The following PRPF40B variants were observed in gnomAD, a reference collection of about 807,000 sequenced individuals.
The protein encoded by PRPF40B is pre-mRNA processing factor 40B.
In PRPF40B, 56 loss-of-function variants were observed where a neutral mutation model predicts 124.5. The ratio of observed to expected loss-of-function variants is 0.45; its 90% confidence interval spans 0.36 to 0.56. The LOEUF (loss-of-function observed/expected upper bound fraction) is 0.56. Among genes scored for constraint, PRPF40B ranks in the 20% least tolerant of loss-of-function variants. PRPF40B has a pLI of 0.00. For missense variants in PRPF40B, 1,053 were observed against 1,169.5 expected (o/e 0.90, Z 1.45); for synonymous variants, 443 against 426.4 (o/e 1.04, Z -0.48).
chr12:49,632,760 G>C (rs1941348753), intron 5 of PRPF40B, 95 bp from the exon 6 acceptor site: 4 of 1,600,390 alleles, frequency 2.5e-6, no homozygotes, highest in Non-Finnish European at 3.4e-6. Context: ...GGGACCAGGG[G>C]ACTATTTACT....
At position 49,636,636 on chromosome 12, in the gene PRPF40B, C is replaced by T. The variant is rs139972881; in HGVS notation, c.1427-80C>T. On this transcript the variant is annotated intron_variant, in intron 15 of 25. Transcript: ENST00000548825. Reference sequence around the variant, plus strand: ...ATCCCTAGCACCTGTAGGACAGCATCGTTGAAACATTAGGGGTGCTGGGGT... The same window carrying T: ...ATCCCTAGCACCTGTAGGACAGCATTGTTGAAACATTAGGGGTGCTGGGGT... 39 of 1,587,208 alleles carry T rather than the reference C, an allele frequency of 2.5e-5. No homozygotes were observed. In the East Asian group the frequency reaches 6.7e-4, roughly 27 times the overall value.
At chr12:49,624,242 A>T (rs1345673711) in intron 1 of PRPF40B, 1 of 860,402 alleles carries the variant, frequency 1.2e-6, no homozygotes, top group East Asian at 1.2e-4. Flanking sequence ...ATGAAAATTA[A>T]ATCCCAGATC....
intron 15 of PRPF40B, 145 bp downstream of exon 15, chr12:49,636,138 C>T: frequency 1.0e-6 from 1 of 996,090 alleles, no homozygotes; most frequent in Non-Finnish European, 1.4e-6. Flanking sequence ...GTCCTTGTAC[C>T]TCTTTGGACT....
Position 49,633,100 on chromosome 12 carries a change from C to T in PRPF40B, c.435C>T (p.Pro145=), listed in dbSNP as rs1355301480. 6.3e-7 allele frequency: 1 copy of T among 1,599,228 alleles called. No homozygotes were observed. The part of the protein sequence containing the change: ...ADDKQSVWEK[P]SVLKSKAELL... ...ACAAGCAGTCCGTGTGGGAGAAGCCCAGCGTGCTCAAGTCCAAGGCAGAGG... is the reference window on the plus strand; with the variant it reads ...ACAAGCAGTCCGTGTGGGAGAAGCCTAGCGTGCTCAAGTCCAAGGCAGAGG... Residue 145 remains proline (P), a synonymous_variant, in exon 7 of 26, where the codon CCC becomes CCT. Transcript: ENST00000548825.
In PRPF40B at chr12:49,631,407, C is replaced by T; in HGVS notation, c.91C>T (p.Pro31Ser). The T allele has an allele frequency of 6.7e-7, 1 of 1,498,130 alleles. No homozygotes were observed. The highest frequency in any genetic ancestry group is 8.9e-7 in the Non-Finnish European group (1 of 1,126,692). The allele number at this position is 1,498,130 out of a possible 1,614,324, so 92.8% of individuals were successfully genotyped here. The change falls in exon 3 of 26, where the codon CCT becomes TCT. Residue 31 changes from proline to serine, a missense_variant. Physicochemically the swap from Pro to Ser is moderately conservative, Grantham distance 74. This residue lies in a region of PRPF40B where 158 missense variants were observed against 117.3 expected (regional missense o/e 1.35). Coordinates refer to ENST00000548825, the MANE Select transcript of PRPF40B (RefSeq NM_001031698.3). The surrounding 1 kb of genome is among the most constrained non-coding windows in gnomAD (Gnocchi z 4.3). ...PPMMPPPFMP[P>S]PGIPPPFPPM... ...TTCCTTTACTCATTTCCAGATGCCC[C>T]CTCCAGGGATCCCCCCACCCTTTCC...
At position 49,633,638 on chromosome 12, in the gene PRPF40B, T is replaced by C; in HGVS notation, c.582T>C (p.Val194=). The C allele has an allele frequency of 1.2e-6, 2 of 1,614,208 alleles. No homozygotes were observed. Among genetic ancestry groups the C allele is most frequent in the Non-Finnish European group, 8.5e-7 (1 of 1,180,034 alleles). ...CTGTGTTATCTTTTCCCATCACAGTTCTAGTCAAACAAGAGGCTGCAGGGT... is the reference window on the plus strand; with the variant it reads ...CTGTGTTATCTTTTCCCATCACAGTCCTAGTCAAACAAGAGGCTGCAGGGT... The part of the protein sequence containing the change: ...TRPKDLDDLE[V]LVKQEAAGKQ... The change falls in exon 9 of 26, where the codon GTT becomes GTC. Residue 194 remains valine, a splice_region_variant and synonymous_variant. Transcript: ENST00000548825.
chr12:49,636,147 C>T (rs561469552), intron 15 of PRPF40B, among the ~76,000 whole-genome samples, 154 bp downstream of exon 15: 1 of 152,158 alleles, frequency 6.6e-6, no homozygotes, highest in Non-Finnish European at 1.5e-5. Flanking sequence ...CCTCTTTGGA[C>T]TCCGGGGATA....
At chr12:49,630,936 C>T (rs1488388113) in intron 2 of PRPF40B, among the ~76,000 whole-genome samples, 3 of 152,282 alleles carry the variant, frequency 2.0e-5, no homozygotes, top group African/African-American at 7.2e-5. Context: ...TTTCACTACT[C>T]CTTACCTATG....
Position 49,632,995 on chromosome 12 carries a change from T to TGGGGGGGGGGGGCG in PRPF40B, c.349-18_349-17insGGGGGGGGGGGCGG. The TGGGGGGGGGGGGCG allele has an allele frequency of 7.3e-7, 1 of 1,365,460 alleles. No individual in the cohort carries two copies. The highest frequency in any genetic ancestry group is 1.0e-6 in the Non-Finnish European group (1 of 979,278). The allele number at this position is 1,365,460 out of a possible 1,614,324, so 84.6% of individuals were successfully genotyped here. A position where few individuals can be genotyped will look rare whatever the true frequency, so the allele number is the denominator to read the frequency against. On this transcript the variant is annotated intron_variant, in intron 6 of 25. Transcript: ENST00000548825. Reference sequence around the variant, plus strand: ...AAAAGGGGCCTTGACCACCATTCTGTGCCCCCCCCCCCACCCAGAGGGCCC... The same window carrying TGGGGGGGGGGGGCG: ...AAAAGGGGCCTTGACCACCATTCTGTGGGGGGGGGGGGCGGCCCCCCCCCCCACCCAGAGGGCCC...
rs766807655 is a variant in PRPF40B, at chr12:49,636,710, C to T, written c.1427-6C>T. The T allele has an allele frequency of 4.3e-6, 7 of 1,613,918 alleles. No individual in the cohort carries two copies. Among genetic ancestry groups the T allele is most frequent in the Non-Finnish European group, 5.9e-6 (7 of 1,179,926 alleles). ...AATGCCCGCGGAACCTCCTGCCTGT[C>T]TTTAGACATGGACAAGGAAGATGCA... On this transcript the variant is annotated splice_polypyrimidine_tract_variant and splice_region_variant and intron_variant, in intron 15 of 25. Coordinates refer to ENST00000548825, the MANE Select transcript of PRPF40B (RefSeq NM_001031698.3).
intron 23 of PRPF40B, 79 bp downstream of exon 23, chr12:49,643,476 C>CT: frequency 1.3e-6 from 2 of 1,494,854 alleles, no homozygotes. Context: ...GCCCCAGCTC[C>CT]TTTGAGGGTA....
At position 49,644,194 on chromosome 12, in the gene PRPF40B, C is replaced by A. The variant is rs1288365830; in HGVS notation, c.*2C>A. 1.2e-6 allele frequency: 2 copies of A among 1,613,890 alleles called. No individual in the cohort carries two copies. Among genetic ancestry groups the A allele is most frequent in the Non-Finnish European group, 1.7e-6 (2 of 1,180,006 alleles). On this transcript the variant is annotated 3_prime_UTR_variant, in exon 26 of 26. Transcript: ENST00000548825. ...CAGCAGCTGGATGATCACCAGTGAC[C>A]CAATGAGCTGTTCTCTGCCTCGGGT...
At position 49,643,727 on chromosome 12, in the gene PRPF40B, AAAC is replaced by A; in HGVS notation, c.2418_2420del (p.Lys806_Thr807delinsAsn). On this transcript the variant is annotated inframe_deletion, in exon 24 of 26. Transcript: ENST00000548825. ...CGGAAAGCCAAGAAACCAAAAAAGAAAACTAAGAAGAGAAGACACAAGTCGGTG... is the reference window on the plus strand; with the variant it reads ...CGGAAAGCCAAGAAACCAAAAAAGAATAAGAAGAGAAGACACAAGTCGGTG... The A allele has an allele frequency of 6.2e-7, 1 of 1,614,162 alleles. No individual in the cohort carries two copies. Among genetic ancestry groups the A allele is most frequent in the Non-Finnish European group, 8.5e-7 (1 of 1,180,022 alleles).
At chr12:49,632,089 C>A in intron 4 of PRPF40B, 164 bp downstream of exon 4, 1 of 707,320 alleles carries the variant, frequency 1.4e-6, no homozygotes, top group South Asian at 1.6e-5. Flanking sequence ...GCCATGTACT[C>A]AGCTCTTCTA....
At position 49,642,446 on chromosome 12, in the gene PRPF40B, CCA is replaced by C; in HGVS notation, c.2022+75_2022+76del. 1 of 1,574,438 alleles carries C rather than the reference CCA, an allele frequency of 6.4e-7. No homozygotes were observed. Among genetic ancestry groups the C allele is most frequent in the South Asian group, 1.1e-5 (1 of 89,820 alleles). On this transcript the variant is annotated intron_variant, in intron 20 of 25. Transcript: ENST00000548825. The surrounding 1 kb of genome is among the most constrained non-coding windows in gnomAD (Gnocchi z 5.8). ...GGTGCTTCACCACTGAGGGCCCACC[CCA>C]GTCACGTCACAGCCCTGGGCCAGCT...
intron 10 of PRPF40B, 79 bp downstream of exon 10, chr12:49,634,171 C>T: frequency 6.3e-7 from 1 of 1,576,996 alleles, no homozygotes; most frequent in Non-Finnish European, 8.6e-7. Context: ...TCTGCTGGGC[C>T]TCTCTCTCAG....
Position 49,631,596 on chromosome 12 carries a change from G to A in PRPF40B, c.228+52G>A. ...TCAGAAAACCCTGTCAGTTTAGCTG[G>A]GGGTGGAGATAAGAGCGGGCATGTA... On this transcript the variant is annotated intron_variant, in intron 3 of 25. Coordinates refer to ENST00000548825, the MANE Select transcript of PRPF40B (RefSeq NM_001031698.3). This position sits in a 1 kb window ranked among gnomAD's most constrained non-coding sequence, Gnocchi z 4.3. 8 of 1,523,360 alleles carry A rather than the reference G, an allele frequency of 5.3e-6. No homozygotes were observed. Among genetic ancestry groups the A allele is most frequent in the Non-Finnish European group, 6.2e-6 (7 of 1,136,128 alleles). The allele number at this position is 1,523,360 out of a possible 1,614,324, so 94.4% of individuals were successfully genotyped here. A position where few individuals can be genotyped will look rare whatever the true frequency, so the allele number is the denominator to read the frequency against.
In PRPF40B at chr12:49,642,024, T is replaced by C; in HGVS notation, c.1884T>C (p.Ser628=). 3 of 1,612,136 alleles carry C rather than the reference T, an allele frequency of 1.9e-6. No homozygotes were observed. The highest frequency in any genetic ancestry group is 2.5e-6 in the Non-Finnish European group (3 of 1,179,898). Residue 628 remains serine, a splice_region_variant and synonymous_variant, in exon 19 of 26, where the codon AGT becomes AGC. Transcript: ENST00000548825. This position sits in a 1 kb window ranked among gnomAD's most constrained non-coding sequence, Gnocchi z 5.8. The part of the protein sequence containing the change: ...DAGNIKLTFN[S]LLEKAEARER... ...GCAACATCAAGCTGACCTTCAATAGTGTGAGGGGCTGGGCGGGGCGTGGGA... is the reference window on the plus strand; with the variant it reads ...GCAACATCAAGCTGACCTTCAATAGCGTGAGGGGCTGGGCGGGGCGTGGGA...
In PRPF40B at chr12:49,643,874, G is replaced by A. The variant is rs1430628616; in HGVS notation, c.2456G>A (p.Ser819Asn). 2 of 1,614,216 alleles carry A rather than the reference G, an allele frequency of 1.2e-6. No homozygotes were observed. Among genetic ancestry groups the A allele is most frequent in the Non-Finnish European group, 1.7e-6 (2 of 1,180,038 alleles). The stretch of plus-strand genomic sequence containing the variant: ...GGACTCTTACAGAATAGTCCTGAGA[G>A]TGAGACAGACCCTGAGGAGAAAGCT... ...KRRHKSNSPE[S>N]ETDPEEKAGK... Residue 819 changes from serine to asparagine, a missense_variant, in exon 25 of 26, where the codon AGT (serine) becomes AAT (asparagine). By Grantham distance (46) the Ser-to-Asn change is conservative. Transcript: ENST00000548825.
Sources: allele counts gnomAD v4.1 joint callset (sites outside exome capture counted in the v4.1 genomes callset), GRCh38; gene constraint gnomAD v4.1.1; regional missense constraint gnomAD v4.1.1; non-coding constraint Gnocchi (gnomAD v3.1); transcripts MANE v1.5; gene names NCBI Gene and HGNC (gene_info 2026-07-23, HGNC 2026-07-21).